PCDHGA6: variants seen among roughly 807,000 people sequenced by gnomAD.
PCDHGA6 encodes protocadherin gamma subfamily A, 6.
Under a neutral mutation model 60.6 loss-of-function variants are expected in PCDHGA6, and 41 were observed. The ratio of observed to expected loss-of-function variants is 0.68; its 90% CI spans 0.53 to 0.88. The LOEUF (loss-of-function observed/expected upper bound fraction) is 0.88, where lower values mean the gene tolerates loss of function less well. Ranked by LOEUF, PCDHGA6 falls within the 40% of genes least tolerant of loss-of-function variation. The probability of loss-of-function intolerance (pLI) is 0.00; values close to 1 mark genes in which losing one functional copy is unlikely to be tolerated. For missense variants in PCDHGA6, 1,312 were observed against 1,203.0 expected, an observed-to-expected ratio of 1.09 and a Z score of -1.34; for synonymous variants, 594 against 524.4, an observed-to-expected ratio of 1.13 and a Z score of -1.81.
At chr5:141,430,873 G>C (rs2097319709) in intron 1 of PCDHGA6, 1 of 1,598,842 alleles carries the variant, frequency 6.3e-7, no homozygotes, top group African/African-American at 1.3e-5. Flanking sequence ...TTCCGGAAGA[G>C]CTGGAGAAAG....
chr5:141,426,614 G>T (rs1468159807), intron 1 of PCDHGA6: 25 of 385,508 alleles, frequency 6.5e-5, no homozygotes, highest in Non-Finnish European at 1.3e-4. Context: ...TTGTAGCAGA[G>T]AATCCTCTAA....
chr5:141,401,125 C>T (rs2094118410), intron 1 of PCDHGA6, among the ~76,000 whole-genome samples: 1 of 152,200 alleles, frequency 6.6e-6, no homozygotes, highest in South Asian at 2.1e-4. Context: ...GGTTGGATCA[C>T]ATGGTCAGGA....
At chr5:141,393,435 C>T in intron 1 of PCDHGA6, 1 of 1,614,014 alleles carries the variant, frequency 6.2e-7, no homozygotes. Context: ...AGAGGCTGCT[C>T]ACCACCTGGT....
At chr5:141,467,768 C>T (rs2099151160) in intron 1 of PCDHGA6, among the ~76,000 whole-genome samples, 2 of 151,794 alleles carry the variant, frequency 1.3e-5, no homozygotes, top group African/African-American at 2.4e-5. Flanking sequence ...CTCAAGTGCC[C>T]GCACCTCAGC....
At chr5:141,469,372 C>A (rs780872014) in intron 1 of PCDHGA6, among the ~76,000 whole-genome samples, 1 of 151,990 alleles carries the variant, frequency 6.6e-6, no homozygotes, top group East Asian at 1.9e-4. Context: ...GTAAAGAGAT[C>A]GAGACCATCC....
At chr5:141,400,234 G>A (rs749957043) in intron 1 of PCDHGA6, 11 of 1,613,984 alleles carry the variant, frequency 6.8e-6, no homozygotes, top group East Asian at 6.7e-5. Flanking sequence ...CCTCCTGGCC[G>A]TGATTCTGGC....
At position 141,376,411 on chromosome 5, in the gene PCDHGA6, C is replaced by T; in HGVS notation, c.2328C>T (p.Ala776=). ...SHLIFPQPNY[A]DTLINQESYE... is the part of the protein sequence containing the mutation. ...TGATTTTCCCCCAGCCCAACTATGC[C>T]GACACGCTTATCAACCAGGAGAGCT... The change falls in exon 1 of 4, where the codon GCC becomes GCT. Residue 776 remains alanine (A), a synonymous_variant. Coordinates refer to ENST00000517434, the MANE Select transcript of PCDHGA6 (RefSeq NM_018919.3). The T allele has an allele frequency of 6.2e-7, 1 of 1,614,182 alleles. No homozygotes were observed. The highest frequency in any genetic ancestry group is 8.5e-7 in the Non-Finnish European group (1 of 1,180,032).
At chr5:141,499,272 GT>G (rs772636179) in intron 2 of PCDHGA6, among the ~76,000 whole-genome samples, 3 of 152,122 alleles carry the variant, frequency 2.0e-5, no homozygotes, top group Non-Finnish European at 4.4e-5. Flanking sequence ...TCCCTAGACT[GT>G]TCTCTGATGG....
Position 141,489,564 on chromosome 5 carries a change from G to A in PCDHGA6, c.2425-5243G>A, listed in dbSNP as rs375200685. The A allele has an allele frequency of 1.9e-6, 3 of 1,613,980 alleles. No homozygotes were observed. Among genetic ancestry groups the A allele is most frequent in the Non-Finnish European group, 1.7e-6 (2 of 1,180,020 alleles). On this transcript the variant is annotated intron_variant, in intron 1 of 3. Transcript: ENST00000517434. This position sits in a 1 kb window ranked among gnomAD's most constrained non-coding sequence, Gnocchi z 4.5. Reference sequence around the variant, plus strand: ...CCAGCTGCCTGCTGCCAGTGCAGGTGGTGACTGAACACCCCCTGGAGCTAA... The same window carrying A: ...CCAGCTGCCTGCTGCCAGTGCAGGTAGTGACTGAACACCCCCTGGAGCTAA...
At chr5:141,460,985 ATATATATATATGTG>A (rs2099005673) in intron 1 of PCDHGA6, among the ~76,000 whole-genome samples, 1 of 91,766 alleles carries the variant, frequency 1.1e-5, no homozygotes, top group Non-Finnish European at 2.2e-5. Flanking sequence ...GTGTGTGTGT[ATATATATATATGTG>A]TATATATATA....
At chr5:141,441,004 C>G (rs1258800474) in intron 1 of PCDHGA6, 1 of 152,066 alleles carries the variant, frequency 6.6e-6, no homozygotes, top group African/African-American at 2.4e-5. Flanking sequence ...TCTAGTTTGG[C>G]CTTGATCAAA....
At chr5:141,445,844 A>T (rs979756627) in intron 1 of PCDHGA6, among the ~76,000 whole-genome samples, 3 of 152,216 alleles carry the variant, frequency 2.0e-5, no homozygotes, top group Admixed American at 1.3e-4. Context: ...TGTAAATCAC[A>T]CTTAAAATTC....
At chr5:141,420,811 CT>C (rs2096526727) in intron 1 of PCDHGA6, among the ~76,000 whole-genome samples, 1 of 152,214 alleles carries the variant, frequency 6.6e-6, no homozygotes, top group Admixed American at 6.5e-5. Flanking sequence ...TAAGCAAGCC[CT>C]TTTAATAATT....
chr5:141,419,878 G>T (rs1342215231), intron 1 of PCDHGA6: 1 of 1,613,942 alleles, frequency 6.2e-7, no homozygotes, highest in African/African-American at 1.3e-5. Context: ...AGGTACTGCC[G>T]GATTTCAGCG....
chr5:141,418,294 C>G, intron 1 of PCDHGA6: 1 of 1,613,988 alleles, frequency 6.2e-7, no homozygotes. Flanking sequence ...TCAGTGAATC[C>G]GTCAGCCTGG....
intron 2 of PCDHGA6, among the ~76,000 whole-genome samples, chr5:141,497,050 G>A (rs113054804): frequency 6.6e-5 from 10 of 152,096 alleles, no homozygotes; most frequent in East Asian, 5.8e-4. Context: ...TTAGCCAGGC[G>A]TGGTGGCAGG....
At chr5:141,417,050 C>T (rs1420453271) in intron 1 of PCDHGA6, 3 of 151,552 alleles carry the variant, frequency 2.0e-5, no homozygotes, top group Non-Finnish European at 4.4e-5. Flanking sequence ...AAAAAAACTG[C>T]TCTTGACATT....
intron 1 of PCDHGA6, chr5:141,393,991 A>C (rs2092893166): frequency 6.2e-7 from 1 of 1,613,604 alleles, no homozygotes; most frequent in East Asian, 2.2e-5. Flanking sequence ...TTACCTTTTA[A>C]ATTAGAAAAG....
intron 1 of PCDHGA6, among the ~76,000 whole-genome samples, chr5:141,488,117 G>A (rs1231303931): frequency 6.6e-6 from 1 of 152,190 alleles, no homozygotes; most frequent in African/African-American, 2.4e-5. Flanking sequence ...GAAACATAGA[G>A]ACAGCAGAAA....
Sources: gnomAD v4.1 joint callset for allele counts (sites outside exome capture counted in the v4.1 genomes callset) on GRCh38, gnomAD v4.1.1 for gene constraint, Gnocchi (gnomAD v3.1) non-coding constraint, MANE v1.5 for transcripts, NCBI Gene and HGNC (gene_info 2026-07-23, HGNC 2026-07-21) for gene names.